SLC16A4: variants seen among roughly 807,000 people sequenced by gnomAD.
The protein encoded by SLC16A4 is probable monocarboxylate transporter 5.
SLC16A4 carries 39 observed loss-of-function variants against 47.9 expected under a neutral mutation model. The ratio of observed to expected loss-of-function variants is 0.81; its 90% CI spans 0.63 to 1.06. The LOEUF is 1.06. Ranked by LOEUF, SLC16A4 falls within the 50% of genes least tolerant of loss-of-function variation. SLC16A4 has a pLI of 0.00. For missense variants in SLC16A4, 524 were observed against 573.8 expected (o/e 0.91, Z 0.89); for synonymous variants, 189 against 199.9 (o/e 0.95, Z 0.46).
Position 110,381,062 on chromosome 1 carries a change from G to A in SLC16A4, c.446C>T (p.Ala149Val). The change falls in exon 5 of 9, where the codon GCT becomes GTT. Residue 149 changes from alanine (A) to valine (V), a missense_variant. By Grantham distance (64) the Ala-to-Val change is moderately conservative. Transcript: ENST00000369779. ...YFKKRLALST[A>V]IARSGMGLTF... ...CAGTCCCATCCCAGAACGGGCAATAGCTGTAGAAAGAGCCAATCGTTTTTT... is the reference window on the plus strand; with the variant it reads ...CAGTCCCATCCCAGAACGGGCAATAACTGTAGAAAGAGCCAATCGTTTTTT... 6.2e-7 allele frequency: 1 copy of A among 1,614,036 alleles called. No individual in the cohort carries two copies. The highest frequency in any genetic ancestry group is 8.5e-7 in the Non-Finnish European group (1 of 1,179,906).
chr1:110,379,560 G>A (rs1465024482), intron 5 of SLC16A4, among the ~76,000 whole-genome samples: 1 of 151,846 alleles, frequency 6.6e-6, no homozygotes, highest in Non-Finnish European at 1.5e-5. Context: ...CCAGAAAGCT[G>A]CACCAATAGA....
intron 5 of SLC16A4, 152 bp from the exon 6 acceptor site, chr1:110,379,508 T>C: frequency 1.5e-6 from 1 of 671,072 alleles, no homozygotes; most frequent in Non-Finnish European, 2.4e-6. Context: ...TCATATACAC[T>C]GCTGTATCCG....
chr1:110,378,736 C>A, intron 6 of SLC16A4, 117 bp downstream of exon 6: 2 of 1,347,214 alleles, frequency 1.5e-6, no homozygotes, highest in Admixed American at 2.6e-5. Flanking sequence ...TTTACTTTCT[C>A]TGGCCCTTCT....
intron 2 of SLC16A4, among the ~76,000 whole-genome samples, chr1:110,383,793 T>A (rs1570653323): frequency 7.4e-6 from 1 of 135,658 alleles, no homozygotes; most frequent in Non-Finnish European, 1.6e-5. Context: ...TGGAAAGGGC[T>A]GTTAAAAGGA....
chr1:110,389,315 C>T lies in SLC16A4; in HGVS notation c.9G>A (p.Lys3=). Residue 3 remains lysine, a synonymous_variant, in exon 2 of 9, where the codon AAG becomes AAA. Coordinates refer to ENST00000369779, the MANE Select transcript of SLC16A4 (RefSeq NM_004696.3). ML[K]REGKVQPYTK... The stretch of plus-strand genomic sequence containing the variant: ...TGTAAGGTTGGACCTTCCCCTCCCT[C>T]TTCAGCATGATGCCTCTTCTATTTT... 5 of 1,611,360 alleles carry T rather than the reference C, an allele frequency of 3.1e-6. No homozygotes were observed. Among genetic ancestry groups the T allele is most frequent in the Non-Finnish European group, 4.2e-6 (5 of 1,177,426 alleles).
chr1:110,388,110 G>T (rs1431590432), intron 2 of SLC16A4, among the ~76,000 whole-genome samples: 2 of 150,874 alleles, frequency 1.3e-5, no homozygotes, highest in Non-Finnish European at 1.5e-5. Context: ...AGAAAAGGGT[G>T]TTTTTTTTTG....
intron 8 of SLC16A4, chr1:110,371,156 G>C (rs1004436623): frequency 6.6e-6 from 1 of 152,162 alleles, no homozygotes; most frequent in African/African-American, 2.4e-5. Context: ...ATATTTATTT[G>C]ATAGTCACTT....
At chr1:110,386,012 A>G (rs905307529) in intron 2 of SLC16A4, among the ~76,000 whole-genome samples, 1 of 152,218 alleles carries the variant, frequency 6.6e-6, no homozygotes, top group Admixed American at 6.5e-5. Context: ...ATCATTCTGT[A>G]AAGTAAACTT....
intron 2 of SLC16A4, among the ~76,000 whole-genome samples, chr1:110,383,803 A>C (rs964775174): frequency 6.1e-5 from 2 of 32,818 alleles, no homozygotes; most frequent in Admixed American, 3.2e-4. Context: ...TGTTAAAAGG[A>C]GGTTTTTTTT....
intron 1 of SLC16A4, among the ~76,000 whole-genome samples, chr1:110,390,190 C>G (rs1662963152): frequency 1.3e-5 from 2 of 152,108 alleles, no homozygotes; most frequent in African/African-American, 4.8e-5. Flanking sequence ...ATCTCAGTGA[C>G]TGTGGGGTGG....
chr1:110,380,075 C>CAAAAA (rs1662284808), intron 5 of SLC16A4, among the ~76,000 whole-genome samples: 5 of 79,732 alleles, frequency 6.3e-5, no homozygotes, highest in African/African-American at 2.5e-4. Context: ...AAAAAAAAAG[C>CAAAAA]AGCGGGAGGG....
rs1282319733 is a variant in SLC16A4, at chr1:110,382,874, A to G, written c.180T>C (p.Gly60=). 1 of 1,612,186 alleles carries G rather than the reference A, an allele frequency of 6.2e-7. No individual in the cohort carries two copies. Among genetic ancestry groups the G allele is most frequent in the African/African-American group, 1.3e-5 (1 of 74,886 alleles). Residue 60 remains glycine (G), a synonymous_variant, in exon 3 of 9, where the codon GGT becomes GGC. Transcript: ENST00000369779. ...GAGATGACATGATGGATCCAATCCA[A>G]CCAATTTGCTCTGAGGTGCCTTCAA... The part of the protein sequence containing the change: ...EEFEGTSEQI[G]WIGSIMSSLR...
At chr1:110,383,782 T>C (rs1423074115) in intron 2 of SLC16A4, among the ~76,000 whole-genome samples, 2 of 150,310 alleles carry the variant, frequency 1.3e-5, no homozygotes, top group Non-Finnish European at 3.0e-5. Context: ...TTTTTTTTTT[T>C]TGGAAAGGGC....
At chr1:110,378,457 G>A (rs910950439) in intron 6 of SLC16A4, among the ~76,000 whole-genome samples, 1 of 152,176 alleles carries the variant, frequency 6.6e-6, no homozygotes, top group Non-Finnish European at 1.5e-5. Flanking sequence ...GTTGAGCCAG[G>A]GAAGTCTTGC....
intron 1 of SLC16A4, among the ~76,000 whole-genome samples, chr1:110,389,932 G>A (rs1662944511): frequency 6.6e-6 from 1 of 152,052 alleles, no homozygotes; most frequent in Non-Finnish European, 1.5e-5. Context: ...ACTCCCTATT[G>A]GATGCTGTGC....
chr1:110,366,101 T>TAC (rs112827792), intron 8 of SLC16A4, among the ~76,000 whole-genome samples: 28,344 of 143,674 alleles, frequency 0.2, 2,792 homozygotes, highest in Admixed American at 0.27. Flanking sequence ...CCTTTCATTT[T>TAC]ACACACACAC....
intron 8 of SLC16A4, among the ~76,000 whole-genome samples, chr1:110,369,615 G>A (rs1271442752): frequency 6.6e-6 from 1 of 152,198 alleles, no homozygotes; most frequent in East Asian, 1.9e-4. Context: ...AAAAAACTTA[G>A]AAGGTCCTTA....
intron 7 of SLC16A4, 147 bp from the exon 8 acceptor site, chr1:110,375,698 T>C: frequency 5.5e-6 from 3 of 545,784 alleles, no homozygotes; most frequent in East Asian, 2.8e-5. Context: ...GCCCCCAATA[T>C]TGTGAAAGAG....
In SLC16A4 at chr1:110,381,692, T is replaced by C. The variant is rs199808125; in HGVS notation, c.324A>G (p.Thr108=). 4.8e-5 allele frequency: 78 copies of C among 1,613,494 alleles called. No individual in the cohort carries two copies. In the Admixed American group the frequency reaches 1.1e-3, roughly 22 times the overall value. The change falls in exon 4 of 9, where the codon ACA becomes ACG. Residue 108 remains threonine (T), a synonymous_variant. Coordinates refer to ENST00000369779, the MANE Select transcript of SLC16A4 (RefSeq NM_004696.3). Reference sequence around the variant, plus strand: ...TAGTCACACAAAGAAAAGGAATACTTGTGGCCCAGCTGCTGATCAGATATC... The same window carrying C: ...TAGTCACACAAAGAAAAGGAATACTCGTGGCCCAGCTGCTGATCAGATATC... The part of the protein sequence containing the change: ...TGGYLISSWA[T]SIPFLCVTMG...
Sources: allele counts gnomAD v4.1 joint callset (sites outside exome capture counted in the v4.1 genomes callset), GRCh38; gene constraint gnomAD v4.1.1; transcripts MANE v1.5; gene names NCBI Gene and HGNC (gene_info 2026-07-23, HGNC 2026-07-21).